Variants in CSMD1 observed in about 807,000 individuals in gnomAD.
CSMD1 encodes CUB and sushi domain-containing protein 1.
A neutral mutation model predicts 417.5 loss-of-function variants in CSMD1; 213 were observed. The ratio of observed to expected loss-of-function variants is 0.51; its 90% CI spans 0.46 to 0.57. The LOEUF (loss-of-function observed/expected upper bound fraction) is 0.57, where lower values mean the gene tolerates loss of function less well. Among genes scored for constraint, CSMD1 ranks in the 20% least tolerant of loss-of-function variants. The probability of loss-of-function intolerance (pLI) is 0.00; values close to 1 mark genes in which losing one functional copy is unlikely to be tolerated. For missense variants in CSMD1, 6,923 were observed against 4,529.7 expected (o/e 1.53, Z -15.17); for synonymous variants, 2,862 against 1,736.8 (o/e 1.65, Z -16.11).
intron 26 of CSMD1, among the ~76,000 whole-genome samples, chr8:3,270,044 T>C (rs1801722372): frequency 9.2e-6 from 1 of 109,118 alleles, no homozygotes. Flanking sequence ...CTCTAACCTC[T>C]TCTTTTTTTT....
At chr8:4,911,635 A>G (rs1469369100) in intron 1 of CSMD1, among the ~76,000 whole-genome samples, 9 of 152,322 alleles carry the variant, frequency 5.9e-5, no homozygotes, top group African/African-American at 2.2e-4. Flanking sequence ...GGAAATGTTC[A>G]TATAATTTAC....
chr8:3,484,036 C>G (rs1817887686), intron 11 of CSMD1, among the ~76,000 whole-genome samples: 1 of 152,108 alleles, frequency 6.6e-6, no homozygotes, highest in Non-Finnish European at 1.5e-5. Context: ...ACAATCCCAG[C>G]AATGTTTTTA....
chr8:4,732,269 A>C (rs1229206355), intron 1 of CSMD1, among the ~76,000 whole-genome samples: 2 of 152,012 alleles, frequency 1.3e-5, no homozygotes, highest in Non-Finnish European at 2.9e-5. Context: ...TAATTGAAAG[A>C]CACTCTGCTA....
chr8:4,358,600 G>A (rs1050920284), intron 3 of CSMD1, among the ~76,000 whole-genome samples: 9 of 152,280 alleles, frequency 5.9e-5, no homozygotes, highest in African/African-American at 2.2e-4. Flanking sequence ...TGTGCTGAAA[G>A]TAATAGTCTA....
At chr8:4,582,189 T>A (rs780320758) in intron 2 of CSMD1, among the ~76,000 whole-genome samples, 17 of 152,106 alleles carry the variant, frequency 1.1e-4, no homozygotes, top group Non-Finnish European at 1.6e-4. Flanking sequence ...ACATGAGGTT[T>A]GTCATATATC....
intron 3 of CSMD1, among the ~76,000 whole-genome samples, chr8:4,331,717 C>A (rs1231203679): frequency 1.3e-5 from 2 of 152,154 alleles, no homozygotes; most frequent in Non-Finnish European, 2.9e-5. Flanking sequence ...TTCCTAAAGG[C>A]TTCACAATGA....
intron 26 of CSMD1, among the ~76,000 whole-genome samples, chr8:3,261,796 T>C (rs1255459401): frequency 6.6e-6 from 1 of 152,000 alleles, no homozygotes; most frequent in African/African-American, 2.4e-5. Context: ...TGTGAAATGA[T>C]CAAAAGTCTG....
At chr8:4,241,730 G>C (rs1802418357) in intron 3 of CSMD1, among the ~76,000 whole-genome samples, 2 of 147,512 alleles carry the variant, frequency 1.4e-5, no homozygotes, top group African/African-American at 5.0e-5. Flanking sequence ...TTGAGACGGA[G>C]TCTCGCTCTG....
intron 2 of CSMD1, among the ~76,000 whole-genome samples, chr8:4,559,764 A>T (rs1370544411): frequency 6.6e-6 from 1 of 152,228 alleles, no homozygotes; most frequent in Non-Finnish European, 1.5e-5. Context: ...GTCAGTTGTT[A>T]TCAGTGCAGC....
intron 1 of CSMD1, among the ~76,000 whole-genome samples, chr8:4,688,558 T>A (rs902212454): frequency 6.6e-6 from 1 of 152,122 alleles, no homozygotes; most frequent in African/African-American, 2.4e-5. Context: ...AATTAAATGG[T>A]CTCCCACTAA....
intron 2 of CSMD1, among the ~76,000 whole-genome samples, chr8:4,502,706 C>T (rs1306352822): frequency 1.3e-5 from 2 of 152,086 alleles, no homozygotes; most frequent in Non-Finnish European, 2.9e-5. Flanking sequence ...TAGTTTCAGC[C>T]TCATCAGTAT....
At chr8:3,306,058 G>C (rs6985450) in intron 25 of CSMD1, among the ~76,000 whole-genome samples, 137,102 of 152,106 alleles carry the variant, frequency 0.9, 62,133 homozygotes, top group Middle Eastern at 0.96. Flanking sequence ...TTTAATTGTT[G>C]TTCTTGCTCC....
At chr8:4,925,215 G>GTTTTT (rs10692207) in intron 1 of CSMD1, among the ~76,000 whole-genome samples, 4,442 of 72,584 alleles carry the variant, frequency 0.061, 531 homozygotes, top group East Asian at 0.099. Flanking sequence ...CAGTTTTATG[G>GTTTTT]TTTTTTTTTT....
chr8:3,058,265 G>A (rs1812366302), intron 49 of CSMD1, among the ~76,000 whole-genome samples: 1 of 152,114 alleles, frequency 6.6e-6, no homozygotes, highest in South Asian at 2.1e-4. Context: ...ATTACCGTGT[G>A]CATTGTCTTC....
chr8:4,415,274 T>C (rs1262710576), intron 3 of CSMD1, among the ~76,000 whole-genome samples: 1 of 152,144 alleles, frequency 6.6e-6, no homozygotes, highest in Non-Finnish European at 1.5e-5. Context: ...CCCCTCCTCC[T>C]GTAAACCACA....
chr8:3,651,535 A>T (rs1047199882), intron 7 of CSMD1, among the ~76,000 whole-genome samples: 1 of 152,052 alleles, frequency 6.6e-6, no homozygotes, highest in African/African-American at 2.4e-5. Context: ...TGTCTCCTCC[A>T]ATGTCATGGT....
At chr8:3,083,955 C>A (rs898245011) in intron 49 of CSMD1, among the ~76,000 whole-genome samples, 1 of 152,000 alleles carries the variant, frequency 6.6e-6, no homozygotes, top group Non-Finnish European at 1.5e-5. Flanking sequence ...TCAGCCACTG[C>A]ACCCAGCCTA....
At chr8:3,229,940 G>A in intron 27 of CSMD1, 100 bp downstream of exon 27, 1 of 863,098 alleles carries the variant, frequency 1.2e-6, no homozygotes, top group Non-Finnish European at 1.7e-6. Flanking sequence ...AGAAACTCTT[G>A]AGAAATATTT....
At chr8:4,749,513 G>A (rs1468667459) in intron 1 of CSMD1, among the ~76,000 whole-genome samples, 1 of 152,142 alleles carries the variant, frequency 6.6e-6, no homozygotes, top group African/African-American at 2.4e-5. Flanking sequence ...TGGTTAGCAC[G>A]TGTATTATTT....
Sources: allele counts gnomAD v4.1 joint callset (sites outside exome capture counted in the v4.1 genomes callset), GRCh38; gene constraint gnomAD v4.1.1; transcripts MANE v1.5; gene names NCBI Gene and HGNC (gene_info 2026-07-23, HGNC 2026-07-21).